The following SPATA13 variants were observed in gnomAD, a reference collection of about 807,000 sequenced individuals.
The protein encoded by SPATA13 is spermatogenesis associated 13.
In SPATA13, 50 loss-of-function variants were observed where a neutral mutation model predicts 104.0. That is an observed-to-expected ratio of 0.48 (90% CI 0.38 to 0.61). SPATA13 has a LOEUF of 0.61. Among genes scored for constraint, SPATA13 ranks in the 20% least tolerant of loss-of-function variants. The pLI is 0.00. For missense variants in SPATA13, 1,524 were observed against 1,690.6 expected, an observed-to-expected ratio of 0.90 and a Z score of 1.73; for synonymous variants, 606 against 667.5, an observed-to-expected ratio of 0.91 and a Z score of 1.42.
chr13:24,301,065 A>G (rs977028590), intron 12 of SPATA13, among the ~76,000 whole-genome samples: 2 of 152,208 alleles, frequency 1.3e-5, no homozygotes, highest in Non-Finnish European at 2.9e-5. Flanking sequence ...CCGCATACCC[A>G]GGGGCTCTGA....
chr13:24,004,437 C>T (rs1023515280), intron 2 of SPATA13, among the ~76,000 whole-genome samples: 5 of 152,102 alleles, frequency 3.3e-5, no homozygotes, highest in African/African-American at 1.2e-4. Flanking sequence ...GTTTATTTCC[C>T]GGCTCTCTAG....
chr13:24,160,963 G>A, intron 1 of SPATA13, 31 bp downstream of exon 1: 1 of 982,354 alleles, frequency 1.0e-6, no homozygotes. Flanking sequence ...CGGCTCTGCC[G>A]GGCGGGCGCG....
At chr13:24,112,765 C>A (rs1566107601) in intron 3 of SPATA13, among the ~76,000 whole-genome samples, 1 of 152,198 alleles carries the variant, frequency 6.6e-6, no homozygotes, top group Non-Finnish European at 1.5e-5. Context: ...GGGCACTCAT[C>A]CTTCTTCTGT....
chr13:24,290,689 A>G lies in SPATA13; in HGVS notation c.2885A>G (p.Asn962Ser), dbSNP rs1876285017. Residue 962 changes from asparagine to serine, a missense_variant, in exon 9 of 13, where the codon AAC (asparagine) becomes AGC (serine). Transcript: ENST00000382108. ...GFAIYSEYCN[N>S]HPGACLELAN... is the part of the protein sequence containing the mutation. ...GCCATCTATTCCGAGTACTGCAACA[A>G]CCACCCGGGCGCCTGCCTGGAGCTC... 6.2e-7 allele frequency: 1 copy of G among 1,613,994 alleles called. No individual in the cohort carries two copies. Among genetic ancestry groups the G allele is most frequent in the Admixed American group, 1.7e-5 (1 of 59,986 alleles).
At chr13:24,176,923 G>A (rs1184394033) in intron 1 of SPATA13, among the ~76,000 whole-genome samples, 3 of 151,944 alleles carry the variant, frequency 2.0e-5, no homozygotes, top group East Asian at 1.9e-4. Context: ...GCCACCACGC[G>A]CAGCTTATTT....
At chr13:24,071,706 A>G (rs888123515) in intron 3 of SPATA13, among the ~76,000 whole-genome samples, 5 of 152,186 alleles carry the variant, frequency 3.3e-5, no homozygotes, top group Non-Finnish European at 7.3e-5. Flanking sequence ...ATTGTTGTTG[A>G]TAAACATTTT....
At chr13:24,262,347 C>T (rs551107996) in intron 4 of SPATA13, among the ~76,000 whole-genome samples, 3 of 145,750 alleles carry the variant, frequency 2.1e-5, no homozygotes, top group South Asian at 4.3e-4. Context: ...TGTTAAAATC[C>T]TACTTCTAAT....
rs754005090 is a variant in SPATA13 at position 24,290,647 on chromosome 13, C to A, written c.2848-5C>A. The stretch of plus-strand genomic sequence containing the variant: ...AGCTGACGAAGCTGTACTTTTCCTT[C>A]CCAGCAAGAGGGCTTTGCCATCTAT... On this transcript the variant is annotated splice_region_variant and splice_polypyrimidine_tract_variant and intron_variant, in intron 8 of 12. Coordinates refer to ENST00000382108, the MANE Select transcript of SPATA13 (RefSeq NM_001166271.3). The A allele has an allele frequency of 1.2e-6, 2 of 1,613,144 alleles. No homozygotes were observed. The highest frequency in any genetic ancestry group is 1.7e-6 in the Non-Finnish European group (2 of 1,179,114).
At chr13:24,065,406 C>T (rs1878920446) in intron 3 of SPATA13, among the ~76,000 whole-genome samples, 1 of 152,152 alleles carries the variant, frequency 6.6e-6, no homozygotes, top group Non-Finnish European at 1.5e-5. Flanking sequence ...CTGCACAATT[C>T]TGTGTAGTAA....
At chr13:23,987,452 T>C (rs1286311069) in intron 2 of SPATA13, among the ~76,000 whole-genome samples, 2 of 152,210 alleles carry the variant, frequency 1.3e-5, no homozygotes, top group Admixed American at 6.5e-5. Flanking sequence ...AAATATTATG[T>C]TCATTACTCT....
chr13:24,160,210 G>A (rs115113968), upstream of SPATA13, among the ~76,000 whole-genome samples: 93 of 152,330 alleles, frequency 6.1e-4, no homozygotes, highest in African/African-American at 2.2e-3. Flanking sequence ...CGCCCTGGGG[G>A]GTGGGGGCTG....
At chr13:24,244,682 G>A (rs940521192) in intron 2 of SPATA13, among the ~76,000 whole-genome samples, 1 of 152,074 alleles carries the variant, frequency 6.6e-6, no homozygotes, top group African/African-American at 2.4e-5. Context: ...TGGGCAATGT[G>A]GTGAATCCCT....
intron 2 of SPATA13, among the ~76,000 whole-genome samples, chr13:24,238,132 CT>C (rs66810619): frequency 0.022 from 1,673 of 77,070 alleles, 3 homozygotes; most frequent in Non-Finnish European, 0.03. Context: ...TTCTTCTTGA[CT>C]TTTTTTTTTT....
In SPATA13 at chr13:24,103,496, A is replaced by AAC. The variant is rs1880326244; in HGVS notation, c.-112+85796_-112+85797insCA. ...CAAGACCCTGTCTCAAAAAAAAAAA[A>AAC]AAAAAACAAGAAAGAAAAGAGCAGG... On this transcript the variant is annotated intron_variant, in intron 3 of 14. Transcript: ENST00000424834. Among the ~76,000 whole-genome samples the AAC allele has an allele frequency of 1.3e-5, 2 of 148,804 alleles. 1 individual carries two copies. The highest frequency in any genetic ancestry group is 4.9e-5 in the African/African-American group (2 of 40,722).
intron 1 of SPATA13, among the ~76,000 whole-genome samples, chr13:24,201,031 TCACACACACA>T (rs10529866): frequency 2.9e-3 from 442 of 150,410 alleles, no homozygotes; most frequent in African/African-American, 0.01. Context: ...AGCTAGTCAG[TCACACACACA>T]CACACACACA....
chr13:24,030,836 T>A (rs1455403466), intron 3 of SPATA13, among the ~76,000 whole-genome samples: 1 of 152,200 alleles, frequency 6.6e-6, no homozygotes. Context: ...GGAAAAGACC[T>A]TTATGTAGGT....
At chr13:24,099,148 G>A (rs1353789903) in intron 3 of SPATA13, among the ~76,000 whole-genome samples, 5 of 151,984 alleles carry the variant, frequency 3.3e-5, no homozygotes, top group African/African-American at 1.2e-4. Context: ...GGGTGATGGG[G>A]GAACCAATCC....
chr13:24,266,109 G>C (rs4332615), intron 4 of SPATA13, among the ~76,000 whole-genome samples: 124,472 of 152,038 alleles, frequency 0.82, 51,040 homozygotes, highest in African/African-American at 0.85. Flanking sequence ...GACTACTGTT[G>C]TGAGTTTGAG....
At position 24,104,219 on chromosome 13, in the gene SPATA13, A is replaced by G. The variant is rs138247441; in HGVS notation, c.-112+86518A>G. Among the ~76,000 whole-genome samples, 315 of 151,928 alleles carry G rather than the reference A, an allele frequency of 2.1e-3. 2 individuals carry two copies. The highest frequency in any genetic ancestry group is 7.2e-3 in the African/African-American group (297 of 41,378). Reference sequence around the variant, plus strand: ...GGGGTGAACCGTTTGGATTTGTTGAACAATGTAAAGCTAGAATGGGTTTTT... The same window carrying G: ...GGGGTGAACCGTTTGGATTTGTTGAGCAATGTAAAGCTAGAATGGGTTTTT... On this transcript the variant is annotated intron_variant, in intron 3 of 14. Transcript: ENST00000424834.
Sources: gnomAD v4.1 joint callset for allele counts (sites outside exome capture counted in the v4.1 genomes callset) on GRCh38, gnomAD v4.1.1 for gene constraint, MANE v1.5 for transcripts, NCBI Gene and HGNC (gene_info 2026-07-23, HGNC 2026-07-21) for gene names.